NSUN4: variants seen among roughly 807,000 people sequenced by gnomAD.
The protein encoded by NSUN4 is NOP2/Sun RNA methyltransferase 4.
In NSUN4, 31 loss-of-function variants were observed where a neutral mutation model predicts 43.8. The observed-to-expected ratio is 0.71, with a 90% CI of 0.53 to 0.96. The LOEUF (loss-of-function observed/expected upper bound fraction) is 0.96. Ranked by LOEUF, NSUN4 falls within the 40% of genes least tolerant of loss-of-function variation. The pLI is 0.00. For synonymous variants in NSUN4, 167 were observed against 184.1 expected, an observed-to-expected ratio of 0.91 and a Z score of 0.75; for missense variants, 439 against 475.6, an observed-to-expected ratio of 0.92 and a Z score of 0.72.
chr1:46,361,719 A>C lies in NSUN4; in HGVS notation c.1028A>C (p.His343Pro), dbSNP rs1196322096. The C allele has an allele frequency of 1.2e-6, 2 of 1,614,076 alleles. No individual in the cohort carries two copies. The highest frequency in any genetic ancestry group is 1.7e-5 in the Admixed American group (1 of 60,000). Residue 343 changes from histidine (H) to proline (P), a missense_variant, in exon 6 of 6, where the codon CAC (histidine) becomes CCC (proline). Physicochemically the swap from His to Pro is moderately conservative, Grantham distance 77. Transcript: ENST00000474844. ...CAGGTACAGGTGGAAGATCTGACTC[A>C]CTTCCGAAGGGTTTTCATGGACACA... Reference protein sequence around the residue: ...SIQVQVEDLTHFRRVFMDTFC... With the variant: ...SIQVQVEDLTPFRRVFMDTFC...
intron 1 of NSUN4, chr1:46,343,028 C>G (rs1662224974): frequency 2.5e-6 from 1 of 399,688 alleles, no homozygotes; most frequent in Non-Finnish European, 4.4e-6. Flanking sequence ...CTTCTTTTCC[C>G]CTCTGCCTTC....
chr1:46,367,595 G>A (rs1312908393), downstream of NSUN4, among the ~76,000 whole-genome samples: 3 of 152,128 alleles, frequency 2.0e-5, no homozygotes, highest in Non-Finnish European at 4.4e-5. Flanking sequence ...CAAGCTAGTG[G>A]TGTTAGACAG....
rs530306660 is a variant in NSUN4, at chr1:46,340,823, C to T, written c.-4C>T. 22 of 1,609,308 alleles carry T rather than the reference C, an allele frequency of 1.4e-5. No homozygotes were observed. Among genetic ancestry groups the T allele is most frequent in the Admixed American group, 5.0e-5 (3 of 59,424 alleles). ...GTCGGAATTACCCCGTGGAGCACGCCGATATGGCTGCGCTGACACTGAGGG... is the reference window on the plus strand; with the variant it reads ...GTCGGAATTACCCCGTGGAGCACGCTGATATGGCTGCGCTGACACTGAGGG... On this transcript the variant is annotated 5_prime_UTR_variant, in exon 1 of 6. Transcript: ENST00000474844.
chr1:46,361,842 C>T lies in NSUN4; in HGVS notation c.1151C>T (p.Thr384Ile). The change falls in exon 6 of 6, where the codon ACA (threonine) becomes ATA (isoleucine). Residue 384 changes from threonine to isoleucine, a missense_variant. Physicochemically the swap from Thr to Ile is moderately conservative, Grantham distance 89. Coordinates refer to ENST00000474844, the MANE Select transcript of NSUN4 (RefSeq NM_199044.4). ...TACTTCTGCAAAATGCGTAGGCTGA[C>T]ATAGTATCACCCAATCCCTGAAGCA... ...PMYFCKMRRL[T>I] 6.2e-7 allele frequency: 1 copy of T among 1,613,472 alleles called. No homozygotes were observed. The highest frequency in any genetic ancestry group is 1.1e-5 in the South Asian group (1 of 91,010).
chr1:46,376,017 T>C, the NSUN4 span, among the ~76,000 whole-genome samples: 336 of 136,626 alleles, frequency 2.5e-3, no homozygotes, highest in Non-Finnish European at 4.0e-3. Flanking sequence ...GAGGCAGAAT[T>C]GCTTGAACCC....
chr1:46,356,584 C>G (rs541468391), intron 4 of NSUN4, among the ~76,000 whole-genome samples: 23 of 151,942 alleles, frequency 1.5e-4, no homozygotes, highest in Middle Eastern at 6.8e-3. Context: ...CCCAGCTACT[C>G]GGGAGGCTGA....
chr1:46,363,417 A>G lies in NSUN4; in HGVS notation c.*1571A>G, dbSNP rs531201294. 3 of 152,338 alleles carry G rather than the reference A, an allele frequency of 2.0e-5. No individual in the cohort carries two copies. Among genetic ancestry groups the G allele is most frequent in the South Asian group, 4.1e-4 (2 of 4,826 alleles). The allele number at this position is 152,338 out of a possible 1,614,324, so 9.4% of individuals were successfully genotyped here. The stretch of plus-strand genomic sequence containing the variant: ...GGCTTCTGCCCTTGGACTCCTGGAT[A>G]TCCAGCCTAGTGCTAATTGAATGCT... On this transcript the variant is annotated 3_prime_UTR_variant, in exon 6 of 6. Transcript: ENST00000474844.
In NSUN4 at chr1:46,362,461, C is replaced by G. The variant is rs1663943721; in HGVS notation, c.*615C>G. On this transcript the variant is annotated 3_prime_UTR_variant, in exon 6 of 6. Coordinates refer to ENST00000474844, the MANE Select transcript of NSUN4 (RefSeq NM_199044.4). The stretch of plus-strand genomic sequence containing the variant: ...AACCCTCTGAGCTGAATAATTCTGG[C>G]CATTCCTGCTGTCAACAATACTGCT... The G allele has an allele frequency of 6.6e-6, 1 of 152,588 alleles. No individual in the cohort carries two copies. The highest frequency in any genetic ancestry group is 2.1e-4 in the South Asian group (1 of 4,836). The allele number at this position is 152,588 out of a possible 1,614,324, so 9.5% of individuals were successfully genotyped here. A position where few individuals can be genotyped will look rare whatever the true frequency, so the allele number is the denominator to read the frequency against.
At position 46,361,893 on chromosome 1, in the gene NSUN4, G is replaced by C. The variant is rs373034568; in HGVS notation, c.*47G>C. On this transcript the variant is annotated 3_prime_UTR_variant, in exon 6 of 6. Transcript: ENST00000474844. ...AGAATACAAAGGGTATACTCTGTTG[G>C]ATGCACCAGAAACTGGAAACTGGGA... is the stretch of plus-strand genomic sequence containing the variant. 29 of 1,531,614 alleles carry C rather than the reference G, an allele frequency of 1.9e-5. No individual in the cohort carries two copies. The African/African-American group carries it at 4.0e-4, about 21-fold the overall frequency. 94.9% of individuals were successfully genotyped at this position (1,531,614 alleles called of 1,614,324 possible).
At chr1:46,368,488 A>G (rs527749698), downstream of NSUN4, among the ~76,000 whole-genome samples, 27 of 152,268 alleles carry the variant, frequency 1.8e-4, no homozygotes, top group African/African-American at 6.5e-4. Flanking sequence ...CTCTGTGAAG[A>G]AGCCTGGACC....
rs6696777 is a variant in NSUN4 at position 46,345,298 on chromosome 1, A to G, written c.437+154A>G. On this transcript the variant is annotated intron_variant, in intron 2 of 5. Transcript: ENST00000474844. The stretch of plus-strand genomic sequence containing the variant: ...TAGGCATTTTTTTGAGGTGCTGTAC[A>G]TATGTTATCTCTTTTTGTTCTGTCA... 0.24 allele frequency: 140,566 copies of G among 591,960 alleles called. 18,833 individuals carry two copies. The highest frequency in any genetic ancestry group is 0.29 in the Non-Finnish European group (98,869 of 338,694). 36.7% of individuals were successfully genotyped at this position (591,960 alleles called of 1,614,324 possible). A position where few individuals can be genotyped will look rare whatever the true frequency, so the allele number is the denominator to read the frequency against.
chr1:46,346,369 G>A (rs1662493708), intron 2 of NSUN4, among the ~76,000 whole-genome samples: 1 of 151,270 alleles, frequency 6.6e-6, no homozygotes, highest in South Asian at 2.1e-4. Flanking sequence ...GGCCAAAATG[G>A]TGAAACCCCA....
chr1:46,357,343 C>T (rs1663455790), intron 4 of NSUN4, among the ~76,000 whole-genome samples: 1 of 152,162 alleles, frequency 6.6e-6, no homozygotes. Context: ...GCATGTCCAG[C>T]TAATTTTTTT....
At chr1:46,367,014 A>G (rs17361873), downstream of NSUN4, among the ~76,000 whole-genome samples, 34,101 of 152,124 alleles carry the variant, frequency 0.22, 4,298 homozygotes, top group Non-Finnish European at 0.29. Context: ...AGAAAAATAA[A>G]GACAAAAAAC....
Position 46,344,936 on chromosome 1 carries a change from GT to G in NSUN4, c.230del (p.Val77AlafsTer10), listed in dbSNP as rs773381080. The G allele has an allele frequency of 6.2e-7, 1 of 1,614,082 alleles. No individual in the cohort carries two copies. The highest frequency in any genetic ancestry group is 2.2e-5 in the East Asian group (1 of 44,902). ...CTCAGAGCAGAAGTATGGTGCACTGGTCAATAACTTTGCTGCCTGGGATCAT... is the reference window on the plus strand; with the variant it reads ...CTCAGAGCAGAAGTATGGTGCACTGGCAATAACTTTGCTGCCTGGGATCAT... ...LLSEQKYGAL[V>X]NNFAAWDHVS... On this transcript the variant is annotated frameshift_variant, in exon 2 of 6. Transcript: ENST00000474844. LOFTEE classifies it high-confidence loss of function.
intron 1 of NSUN4, chr1:46,343,197 A>G: frequency 5.4e-6 from 1 of 183,890 alleles, no homozygotes; most frequent in Non-Finnish European, 8.5e-6. Context: ...CCCCCCTCCC[A>G]TTGTGCCCCT....
chr1:46,370,390 T>C, the NSUN4 span, among the ~76,000 whole-genome samples: 2 of 152,198 alleles, frequency 1.3e-5, no homozygotes, highest in Non-Finnish European at 2.9e-5. Flanking sequence ...TGAAGTCAAT[T>C]TGTGGGTATG....
chr1:46,359,951 C>T (rs1052285303), intron 4 of NSUN4, among the ~76,000 whole-genome samples: 8 of 151,510 alleles, frequency 5.3e-5, no homozygotes, highest in African/African-American at 9.7e-5. Context: ...AAAATTAGGC[C>T]GGGCATGGTG....
chr1:46,376,123 A>AAAG, the NSUN4 span, among the ~76,000 whole-genome samples: 1 of 143,950 alleles, frequency 6.9e-6, no homozygotes, highest in Non-Finnish European at 1.5e-5. Flanking sequence ...AAAAAAAAAA[A>AAAG]GAGGCCAGGT....
Sources: gnomAD v4.1 joint callset for allele counts (sites outside exome capture counted in the v4.1 genomes callset) on GRCh38, gnomAD v4.1.1 for gene constraint, MANE v1.5 for transcripts, NCBI Gene and HGNC (gene_info 2026-07-23, HGNC 2026-07-21) for gene names.